The following RET variants were observed in gnomAD, a reference collection of about 807,000 sequenced individuals.
The protein encoded by RET is ret proto-oncogene.
RET carries 19 observed loss-of-function variants against 118.3 expected under a neutral mutation model. That is an observed-to-expected ratio of 0.16 (90% CI 0.11 to 0.24). The LOEUF (loss-of-function observed/expected upper bound fraction) is 0.24. Among genes scored for constraint, RET ranks in the 10% least tolerant of loss-of-function variants. The pLI is 1.00. For synonymous variants in RET, 597 were observed against 644.1 expected, an observed-to-expected ratio of 0.93 and a Z score of 1.11; for missense variants, 1,219 against 1,502.1, an observed-to-expected ratio of 0.81 and a Z score of 3.12.
intron 1 of RET, among the ~76,000 whole-genome samples, chr10:43,083,892 AT>A (rs1390913300): frequency 6.6e-6 from 1 of 152,192 alleles, no homozygotes; most frequent in Non-Finnish European, 1.5e-5. Context: ...GTTCCAAAAA[AT>A]TTGCATCACC....
chr10:43,113,755 G>A, intron 10 of RET, 80 bp downstream of exon 10: 2 of 1,577,450 alleles, frequency 1.3e-6, no homozygotes, highest in Non-Finnish European at 1.7e-6. Flanking sequence ...TCCCAACAAG[G>A]GAGGAAATTG....
chr10:43,118,562 C>T, intron 13 of RET, 82 bp downstream of exon 13: 1 of 1,004,386 alleles, frequency 1.0e-6, no homozygotes, highest in Admixed American at 1.8e-5. Flanking sequence ...CCTCTTTCTC[C>T]CTTTCCCTAC....
chr10:43,081,173 C>A (rs537853732), intron 1 of RET, among the ~76,000 whole-genome samples: 1 of 151,812 alleles, frequency 6.6e-6, no homozygotes, highest in East Asian at 2.0e-4. Context: ...GCCCCTCCCC[C>A]AGAAGTGGGC....
At chr10:43,083,157 C>T (rs796382542) in intron 1 of RET, among the ~76,000 whole-genome samples, 42 of 152,342 alleles carry the variant, frequency 2.8e-4, no homozygotes, top group African/African-American at 9.1e-4. Flanking sequence ...GCTCTGCCAT[C>T]GTAAGGGGCC....
At chr10:43,121,105 G>A (rs1564499665) in intron 15 of RET, among the ~76,000 whole-genome samples, 1 of 152,302 alleles carries the variant, frequency 6.6e-6, no homozygotes, top group East Asian at 1.9e-4. Flanking sequence ...AGTGGTAGGG[G>A]CTGGCCCCTG....
At chr10:43,082,607 C>T (rs1233307388) in intron 1 of RET, among the ~76,000 whole-genome samples, 1 of 67,508 alleles carries the variant, frequency 1.5e-5, no homozygotes, top group Non-Finnish European at 3.9e-5. Context: ...GGCCCTTGCT[C>T]CTCTGTGCTG....
At chr10:43,115,282 C>T (rs768269233) in intron 11 of RET, among the ~76,000 whole-genome samples, 4 of 152,174 alleles carry the variant, frequency 2.6e-5, no homozygotes, top group Admixed American at 6.5e-5. Context: ...AATAGCTCCT[C>T]GGCAGGAGCC....
At chr10:43,086,087 T>G (rs753790983) in intron 1 of RET, among the ~76,000 whole-genome samples, 1 of 152,232 alleles carries the variant, frequency 6.6e-6, no homozygotes, top group Non-Finnish European at 1.5e-5. Flanking sequence ...GTGCCTCGGC[T>G]TCTCTGCATG....
Position 43,119,548 on chromosome 10 carries a change from G to T in RET, c.2410G>T (p.Val804Leu), listed in dbSNP as rs79658334. The T allele has an allele frequency of 1.3e-5, 21 of 1,605,504 alleles. No individual in the cohort carries two copies. The highest frequency in any genetic ancestry group is 1.4e-5 in the Non-Finnish European group (16 of 1,177,970). The stretch of plus-strand genomic sequence containing the variant: ...GCCCCCAGGCCCGCTCCTCCTCATC[G>T]TGGAGTACGCCAAATACGGCTCCCT... ...CSQDGPLLLI[V>L]EYAKYGSLRG... is the part of the protein sequence containing the mutation. The change falls in exon 14 of 20, where the codon GTG becomes TTG. Residue 804 changes from valine to leucine, a missense_variant. Coordinates refer to ENST00000355710, the MANE Select transcript of RET (RefSeq NM_020975.6).
rs2132720531 is a variant in RET, at chr10:43,106,474, C to T, written c.966C>T (p.Asp322=). ...ACACAAGCACGCTGCTCCCCGGGGA[C>T]ACCTGGGCCCAGCAGACCTTCCGGG... The part of the protein sequence containing the change: ...RRYTSTLLPG[D]TWAQQTFRVE... The change falls in exon 5 of 20, where the codon GAC becomes GAT. Residue 322 remains aspartate, a synonymous_variant. Transcript: ENST00000355710. The surrounding 1 kb of genome is among the most constrained non-coding windows in gnomAD (Gnocchi z 5.1). 1 of 1,613,608 alleles carries T rather than the reference C, an allele frequency of 6.2e-7. No individual in the cohort carries two copies. The highest frequency in any genetic ancestry group is 8.5e-7 in the Non-Finnish European group (1 of 1,179,822).
At chr10:43,102,032 T>G (rs957194321) in intron 2 of RET, among the ~76,000 whole-genome samples, 1 of 152,172 alleles carries the variant, frequency 6.6e-6, no homozygotes, top group Non-Finnish European at 1.5e-5. Context: ...GGTCACCCCT[T>G]ACTGGAGAAG....
At chr10:43,077,467 G>T (rs1287877645) in intron 1 of RET, 136 bp downstream of exon 1, 2 of 1,191,824 alleles carry the variant, frequency 1.7e-6, no homozygotes, top group South Asian at 5.7e-5. Context: ...CCCGGCCTCG[G>T]CTGGGAGCGC....
intron 8 of RET, among the ~76,000 whole-genome samples, chr10:43,112,609 G>A (rs1246310945): frequency 6.6e-6 from 1 of 152,224 alleles, no homozygotes; most frequent in Non-Finnish European, 1.5e-5. Context: ...CCCTCACCAT[G>A]CAGCCCTGAG....
At chr10:43,109,427 T>C (rs994649504) in intron 6 of RET, among the ~76,000 whole-genome samples, 197 bp downstream of exon 6, 11 of 152,116 alleles carry the variant, frequency 7.2e-5, no homozygotes, top group Non-Finnish European at 1.6e-4. Flanking sequence ...GGCTGGGGGC[T>C]CCTTGGGCCT....
intron 1 of RET, among the ~76,000 whole-genome samples, chr10:43,077,712 C>T (rs1381912679): frequency 6.6e-6 from 1 of 152,176 alleles, no homozygotes; most frequent in African/African-American, 2.4e-5. Flanking sequence ...TCAGGGAGCC[C>T]CGAAAGCCCG....
intron 1 of RET, among the ~76,000 whole-genome samples, chr10:43,093,935 GGA>G (rs1317115296): frequency 6.6e-6 from 1 of 152,098 alleles, no homozygotes; most frequent in African/African-American, 2.4e-5. Flanking sequence ...TGGGGAGGCG[GGA>G]GGAGCAGCAG....
At position 43,100,499 on chromosome 10, in the gene RET, G is replaced by A. The variant is rs762096025; in HGVS notation, c.114G>A (p.Glu38=). The change falls in exon 2 of 20, where the codon GAG becomes GAA. Residue 38 remains glutamate, a synonymous_variant. Transcript: ENST00000355710. The part of the protein sequence containing the change: ...GLYFSRDAYW[E]KLYVDQAAGT... ...ACTTCTCGAGGGATGCTTACTGGGA[G>A]AAGCTGTATGTGGACCAGGCAGCCG... 3 of 1,613,750 alleles carry A rather than the reference G, an allele frequency of 1.9e-6. No individual in the cohort carries two copies. The highest frequency in any genetic ancestry group is 4.5e-5 in the East Asian group (2 of 44,866).
intron 11 of RET, among the ~76,000 whole-genome samples, chr10:43,115,206 G>A (rs958585012): frequency 1.4e-4 from 21 of 152,234 alleles, no homozygotes; most frequent in Non-Finnish European, 2.5e-4. Context: ...CCCAGTTCTG[G>A]AAGTAACAGA....
intron 2 of RET, among the ~76,000 whole-genome samples, chr10:43,101,708 T>C (rs184216084): frequency 4.6e-5 from 7 of 152,356 alleles, no homozygotes; most frequent in Non-Finnish European, 1.0e-4. Flanking sequence ...AGCCAGTTCC[T>C]GTGGAGGAAG....
Sources: gnomAD v4.1 joint callset for allele counts (sites outside exome capture counted in the v4.1 genomes callset) on GRCh38, gnomAD v4.1.1 for gene constraint, Gnocchi (gnomAD v3.1) non-coding constraint, MANE v1.5 for transcripts, NCBI Gene and HGNC (gene_info 2026-07-23, HGNC 2026-07-21) for gene names.